CORO1C: variants seen among roughly 807,000 people sequenced by gnomAD.
CORO1C encodes coronin 1C.
A neutral mutation model predicts 51.2 loss-of-function variants in CORO1C; 14 were observed. The observed-to-expected ratio is 0.27, with a 90% CI of 0.18 to 0.43. The LOEUF is 0.43. Among genes scored for constraint, CORO1C ranks in the 20% least tolerant of loss-of-function variants. The pLI is 1.00. For missense variants in CORO1C, 417 were observed against 607.8 expected, an observed-to-expected ratio of 0.69 and a Z score of 3.30; for synonymous variants, 181 against 210.5, an observed-to-expected ratio of 0.86 and a Z score of 1.21.
rs187268371 is a variant in CORO1C, at chr12:108,714,209, T to C, written c.-5-12886A>G. 1.2e-4 allele frequency among the ~76,000 whole-genome samples: 18 copies of C among 151,846 alleles called. No homozygotes were observed. The East Asian group carries it at 3.5e-3, about 29-fold the overall frequency. On this transcript the variant is annotated intron_variant, in intron 1 of 10. Coordinates refer to ENST00000261401, the MANE Select transcript of CORO1C (RefSeq NM_014325.4). ...ATTGAAACCATCCTGGCCAACATAGTGAAACCCCATCTCTACTAAAAATAC... is the reference window on the plus strand; with the variant it reads ...ATTGAAACCATCCTGGCCAACATAGCGAAACCCCATCTCTACTAAAAATAC...
In CORO1C at chr12:108,658,689, A is replaced by C; in HGVS notation, c.630+49T>G. 2 of 1,580,210 alleles carry C rather than the reference A, an allele frequency of 1.3e-6. No individual in the cohort carries two copies. The highest frequency in any genetic ancestry group is 1.7e-6 in the Non-Finnish European group (2 of 1,152,168). ...CTGCCTTAAAAAGCAGAAAGCTCACACTCACTCAAGTGCTCCAACTACTGA... is the reference window on the plus strand; with the variant it reads ...CTGCCTTAAAAAGCAGAAAGCTCACCCTCACTCAAGTGCTCCAACTACTGA... On this transcript the variant is annotated intron_variant, in intron 5 of 10. Coordinates refer to ENST00000261401, the MANE Select transcript of CORO1C (RefSeq NM_014325.4). This position sits in a 1 kb window ranked among gnomAD's most constrained non-coding sequence, Gnocchi z 4.9.
chr12:108,692,518 A>G (rs2034531022), intron 2 of CORO1C, among the ~76,000 whole-genome samples: 1 of 152,256 alleles, frequency 6.6e-6, no homozygotes, highest in African/African-American at 2.4e-5. Context: ...AAGCACTGTC[A>G]GGAGACTGCC....
In CORO1C at chr12:108,662,145, G is replaced by A. The variant is rs1252572081; in HGVS notation, c.332C>T (p.Pro111Leu). ...EDCTVMVWQI[P>L]ENGLTLSLTE... ...CAGGGAAAGGGTGAGTCCATTTTCTGGGATCTGCCATACCTGTTGGACAAG... is the reference window on the plus strand; with the variant it reads ...CAGGGAAAGGGTGAGTCCATTTTCTAGGATCTGCCATACCTGTTGGACAAG... Residue 111 changes from proline (P) to leucine (L), a missense_variant, in exon 4 of 11, where the codon CCA (proline) becomes CTA (leucine). Physicochemically the swap from Pro to Leu is moderately conservative, Grantham distance 98. Transcript: ENST00000261401. 6.2e-7 allele frequency: 1 copy of A among 1,613,652 alleles called. No homozygotes were observed. The highest frequency in any genetic ancestry group is 1.7e-5 in the Admixed American group (1 of 60,014).
chr12:108,700,962 G>A (rs1210246751), intron 2 of CORO1C, 162 bp downstream of exon 2: 7 of 774,040 alleles, frequency 9.0e-6, no homozygotes, highest in Non-Finnish European at 1.5e-5. Context: ...CTCTGTTAGA[G>A]AAAAACTGAT....
chr12:108,654,805 C>T (rs2032861219), intron 6 of CORO1C, among the ~76,000 whole-genome samples: 2 of 151,820 alleles, frequency 1.3e-5, no homozygotes, highest in South Asian at 4.2e-4. Flanking sequence ...CAAGTTCAAG[C>T]GATTTTCCTG....
intron 4 of CORO1C, among the ~76,000 whole-genome samples, chr12:108,660,412 T>C (rs906953096): frequency 3.8e-4 from 52 of 137,486 alleles, no homozygotes; most frequent in African/African-American, 1.4e-3. Flanking sequence ...GATCATGCCA[T>C]TGCACTCCAG....
Position 108,647,509 on chromosome 12 carries a change from T to G in CORO1C, c.1319A>C (p.Lys440Thr). The stretch of plus-strand genomic sequence containing the variant: ...GATCTCTTTTAAAATCTCATCCAAC[T>G]TGGCTTCATTTTGCTAAGAAAACAA... Reference protein sequence around the residue: ...TDTASVQNEAKLDEILKEIKS... With the variant: ...TDTASVQNEATLDEILKEIKS... Residue 440 changes from lysine (K) to threonine (T), a missense_variant, in exon 11 of 11, where the codon AAG becomes ACG. Physicochemically the swap from Lys to Thr is moderately conservative, Grantham distance 78 (BLOSUM62 -1). Transcript: ENST00000261401. The G allele has an allele frequency of 6.2e-7, 1 of 1,603,142 alleles. No homozygotes were observed. Among genetic ancestry groups the G allele is most frequent in the Non-Finnish European group, 8.5e-7 (1 of 1,172,484 alleles).
At chr12:108,718,493 G>A (rs1271283432) in intron 1 of CORO1C, among the ~76,000 whole-genome samples, 3 of 151,934 alleles carry the variant, frequency 2.0e-5, no homozygotes, top group African/African-American at 7.3e-5. Context: ...AGTGAGCAGA[G>A]ATCATGCCAC....
Position 108,731,411 on chromosome 12 carries a change from CG to C in CORO1C, c.-6+17del, listed in dbSNP as rs2035721556. On this transcript the variant is annotated intron_variant, in intron 1 of 10. Transcript: ENST00000261401. The surrounding 1 kb of genome is among the most constrained non-coding windows in gnomAD (Gnocchi z 5.2). ...CGACTCGCTCTCAGGCTGCCCCCGC[CG>C]GGCGCGAGCCGCTCACCCGGGCCGA... 1 of 152,510 alleles carries C rather than the reference CG, an allele frequency of 6.6e-6. No individual in the cohort carries two copies. Among genetic ancestry groups the C allele is most frequent in the African/African-American group, 2.4e-5 (1 of 41,450 alleles). 9.4% of individuals were successfully genotyped at this position (152,510 alleles called of 1,614,324 possible). A position where few individuals can be genotyped will look rare whatever the true frequency, so the allele number is the denominator to read the frequency against.
chr12:108,729,468 A>G (rs1040984060), intron 1 of CORO1C, among the ~76,000 whole-genome samples: 1 of 152,188 alleles, frequency 6.6e-6, no homozygotes, highest in Admixed American at 6.5e-5. Context: ...GATAGGTTCT[A>G]TATTTGTCAA....
rs867021729 is a variant in CORO1C at position 108,654,414 on chromosome 12, G to A, written c.751-4C>T. The A allele has an allele frequency of 3.8e-6, 6 of 1,563,694 alleles. No homozygotes were observed. The Middle Eastern group carries it at 1.0e-3, about 263-fold the overall frequency. On this transcript the variant is annotated splice_region_variant and splice_polypyrimidine_tract_variant and intron_variant, in intron 6 of 10. Coordinates refer to ENST00000261401, the MANE Select transcript of CORO1C (RefSeq NM_014325.4). The stretch of plus-strand genomic sequence containing the variant: ...CAATTGGTTCCTGCATATTTTTCTG[G>A]GGGGAAGATAATAATAATACATATA...
At chr12:108,653,236 A>G (rs2032763361) in intron 7 of CORO1C, among the ~76,000 whole-genome samples, 2 of 152,248 alleles carry the variant, frequency 1.3e-5, no homozygotes, top group African/African-American at 4.8e-5. Context: ...CATGCCCAAA[A>G]GAATTTTCCA....
At chr12:108,726,122 C>T (rs1230795687) in intron 1 of CORO1C, among the ~76,000 whole-genome samples, 1 of 152,154 alleles carries the variant, frequency 6.6e-6, no homozygotes, top group Admixed American at 6.5e-5. Context: ...TGTGAGCCAC[C>T]ACGCCCGGCA....
At chr12:108,660,260 T>C (rs1471784631) in intron 4 of CORO1C, among the ~76,000 whole-genome samples, 1 of 152,158 alleles carries the variant, frequency 6.6e-6, no homozygotes, top group Non-Finnish European at 1.5e-5. Context: ...GAGACCAGCC[T>C]GACCAACATG....
intron 2 of CORO1C, among the ~76,000 whole-genome samples, chr12:108,698,378 G>A (rs1191041210): frequency 1.3e-5 from 2 of 152,256 alleles, no homozygotes; most frequent in Non-Finnish European, 2.9e-5. Flanking sequence ...AAGCATTTCT[G>A]ACATGATCTA....
chr12:108,702,655 A>G, intron 1 of CORO1C: 1 of 791,546 alleles, frequency 1.3e-6, no homozygotes, highest in Non-Finnish European at 1.8e-6. Flanking sequence ...TATACAGAGG[A>G]GAGCTAACAC....
Position 108,716,541 on chromosome 12 carries a change from A to G in CORO1C, c.-6+14888T>C, listed in dbSNP as rs142542965. Among the ~76,000 whole-genome samples, 969 of 152,338 alleles carry G rather than the reference A, an allele frequency of 6.4e-3. 6 individuals carry two copies. The highest frequency in any genetic ancestry group is 1.0e-2 in the Non-Finnish European group (680 of 68,030). On this transcript the variant is annotated intron_variant, in intron 1 of 10. Coordinates refer to ENST00000261401, the MANE Select transcript of CORO1C (RefSeq NM_014325.4). ...GATTAAATGAACATGTACTCCTGACAGTGTTTCAAAGGAACATTAAGGAAG... is the reference window on the plus strand; with the variant it reads ...GATTAAATGAACATGTACTCCTGACGGTGTTTCAAAGGAACATTAAGGAAG...
chr12:108,661,859 A>C (rs939493184), intron 4 of CORO1C, among the ~76,000 whole-genome samples, 170 bp downstream of exon 4: 2 of 152,150 alleles, frequency 1.3e-5, no homozygotes, highest in African/African-American at 4.8e-5. Context: ...ACACACACAC[A>C]AGTATGTATG....
At chr12:108,654,616 C>T (rs749827911) in intron 6 of CORO1C, among the ~76,000 whole-genome samples, 2 of 152,126 alleles carry the variant, frequency 1.3e-5, no homozygotes, top group Admixed American at 6.5e-5. Context: ...CAAAATTTCA[C>T]TGATTTGACA....
Sources: gnomAD v4.1 joint callset for allele counts (sites outside exome capture counted in the v4.1 genomes callset) on GRCh38, gnomAD v4.1.1 for gene constraint, Gnocchi (gnomAD v3.1) non-coding constraint, MANE v1.5 for transcripts, NCBI Gene and HGNC (gene_info 2026-07-23, HGNC 2026-07-21) for gene names.